Variants in FKBP1A observed in about 807,000 individuals in gnomAD.
The protein encoded by FKBP1A is FKBP prolyl isomerase 1A.
A neutral mutation model predicts 14.2 loss-of-function variants in FKBP1A; 5 were observed. That is an observed-to-expected ratio of 0.35 (90% CI 0.18 to 0.74). The LOEUF (loss-of-function observed/expected upper bound fraction) is 0.74. FKBP1A is among the 30% of genes least tolerant of loss of function. The pLI is 0.56. For missense variants in FKBP1A, 53 were observed against 138.8 expected (o/e 0.38, Z 3.10); for synonymous variants, 42 against 49.1 (o/e 0.86, Z 0.60).
In FKBP1A at chr20:1,370,066, G is replaced by A. The variant is rs1392287813; in HGVS notation, c.*43C>T. ...GTCTGGAGGCACCAGATCCCTCCATGGCAGATCTGTTGGGGACAGAAAATC... is the reference window on the plus strand; with the variant it reads ...GTCTGGAGGCACCAGATCCCTCCATAGCAGATCTGTTGGGGACAGAAAATC... On this transcript the variant is annotated 3_prime_UTR_variant, in exon 5 of 5. Transcript: ENST00000400137. 3.9e-6 allele frequency: 6 copies of A among 1,548,990 alleles called. No homozygotes were observed. The highest frequency in any genetic ancestry group is 1.4e-5 in the African/African-American group (1 of 73,154).
chr20:1,375,303 A>G, intron 3 of FKBP1A, 188 bp downstream of exon 3: 1 of 603,310 alleles, frequency 1.7e-6, no homozygotes, highest in South Asian at 2.1e-5. Context: ...ATGTTTTTAT[A>G]TGTGCTTAAA....
At chr20:1,377,114 A>G (rs879286305) in intron 2 of FKBP1A, 2 of 152,204 alleles carry the variant, frequency 1.3e-5, no homozygotes, top group Non-Finnish European at 2.9e-5. Context: ...TACTCAGAAG[A>G]TCCATAAAAA....
chr20:1,392,950 G>A lies in FKBP1A; in HGVS notation c.37+12C>T. On this transcript the variant is annotated intron_variant, in intron 1 of 4. Coordinates refer to ENST00000400137, the MANE Select transcript of FKBP1A (RefSeq NM_000801.5). ...GCAGAGGTACTCCGAGCCGCCGCGC[G>A]CCACTACTCACCGTCTCCTGGGGAG... 1 of 1,502,880 alleles carries A rather than the reference G, an allele frequency of 6.7e-7. No homozygotes were observed. Among genetic ancestry groups the A allele is most frequent in the Non-Finnish European group, 8.8e-7 (1 of 1,132,374 alleles). 93.1% of individuals were successfully genotyped at this position (1,502,880 alleles called of 1,614,324 possible).
intron 2 of FKBP1A, among the ~76,000 whole-genome samples, chr20:1,388,477 G>A (rs527361690): frequency 6.6e-6 from 1 of 152,316 alleles, no homozygotes; most frequent in South Asian, 2.1e-4. Flanking sequence ...CTTCACAGCA[G>A]GCATCGTTAC....
chr20:1,381,699 G>T (rs1465739890), intron 2 of FKBP1A, among the ~76,000 whole-genome samples: 1 of 152,170 alleles, frequency 6.6e-6, no homozygotes, highest in Non-Finnish European at 1.5e-5. Context: ...GGGTAAGTTG[G>T]TAAATACATG....
chr20:1,383,926 G>A (rs59521713), intron 2 of FKBP1A, among the ~76,000 whole-genome samples: 1 of 152,102 alleles, frequency 6.6e-6, no homozygotes, highest in East Asian at 1.9e-4. Flanking sequence ...AAGCCACTCA[G>A]AACATTCCCA....
At chr20:1,370,989 C>A in intron 4 of FKBP1A, 1 of 985,390 alleles carries the variant, frequency 1.0e-6, no homozygotes, top group Middle Eastern at 5.2e-4. Context: ...GTGTGTGGTT[C>A]AAACAGAGAG....
chr20:1,383,957 T>C (rs2089644688), intron 2 of FKBP1A, among the ~76,000 whole-genome samples: 2 of 152,090 alleles, frequency 1.3e-5, no homozygotes, highest in South Asian at 4.1e-4. Context: ...TGGCTCAAGG[T>C]CTAATGGTTT....
chr20:1,376,663 G>T (rs2122672441), intron 2 of FKBP1A: 1 of 152,076 alleles, frequency 6.6e-6, no homozygotes, highest in Non-Finnish European at 1.5e-5. Context: ...AAGAAACTGA[G>T]GCAGACAGGG....
At chr20:1,391,813 A>C in intron 2 of FKBP1A, 1 of 341,626 alleles carries the variant, frequency 2.9e-6, no homozygotes. Context: ...AAGGTTGAGA[A>C]AGGGGAAGGA....
intron 2 of FKBP1A, among the ~76,000 whole-genome samples, chr20:1,380,873 T>G (rs1413829666): frequency 6.6e-6 from 1 of 152,204 alleles, no homozygotes; most frequent in Non-Finnish European, 1.5e-5. Context: ...AAAACTACAA[T>G]GTCTGAGATG....
intron 2 of FKBP1A, among the ~76,000 whole-genome samples, chr20:1,385,315 G>A (rs915171068): frequency 6.6e-6 from 1 of 152,104 alleles, no homozygotes; most frequent in Non-Finnish European, 1.5e-5. Flanking sequence ...GCTTGAACCC[G>A]GGAGGCAGAG....
intron 4 of FKBP1A, chr20:1,371,725 A>G (rs2089467276): frequency 1.0e-6 from 1 of 1,004,710 alleles, no homozygotes; most frequent in Non-Finnish European, 1.2e-6. Context: ...GTCATTCATT[A>G]AGAGTCTTAT....
At chr20:1,372,390 G>C in intron 3 of FKBP1A, 150 bp from the exon 4 acceptor site, 1 of 745,932 alleles carries the variant, frequency 1.3e-6, no homozygotes, top group South Asian at 1.8e-5. Context: ...CCACCTCCTT[G>C]TGCAGGACTT....
chr20:1,378,139 G>GAAAAACAA (rs2089573142), intron 2 of FKBP1A: 1 of 152,128 alleles, frequency 6.6e-6, no homozygotes, highest in Non-Finnish European at 1.5e-5. Context: ...ACAAAGACTC[G>GAAAAACAA]GGAAGAAAGT....
At chr20:1,390,134 C>T (rs2089715710) in intron 2 of FKBP1A, among the ~76,000 whole-genome samples, 1 of 152,168 alleles carries the variant, frequency 6.6e-6, no homozygotes, top group Non-Finnish European at 1.5e-5. Context: ...GCTCTGCACA[C>T]CTGTGATGGC....
intron 4 of FKBP1A, chr20:1,370,749 C>A: frequency 1.0e-6 from 1 of 985,354 alleles, no homozygotes; most frequent in Non-Finnish European, 1.2e-6. Context: ...TCTACCTCAT[C>A]AAGTTTACAG....
At chr20:1,372,423 T>C (rs545489949) in intron 3 of FKBP1A, among the ~76,000 whole-genome samples, 183 bp from the exon 4 acceptor site, 5 of 152,302 alleles carry the variant, frequency 3.3e-5, no homozygotes, top group South Asian at 2.1e-4. Flanking sequence ...TCATATTCCA[T>C]CACCCCTGCA....
In FKBP1A at chr20:1,386,529, T is replaced by G. The variant is rs916731091; in HGVS notation, c.85+6305A>C. Among the ~76,000 whole-genome samples the G allele has an allele frequency of 6.6e-6, 1 of 152,120 alleles. No individual in the cohort carries two copies. Among genetic ancestry groups the G allele is most frequent in the Admixed American group, 6.5e-5 (1 of 15,278 alleles). On this transcript the variant is annotated intron_variant, in intron 2 of 4. Transcript: ENST00000400137. This position sits in a 1 kb window ranked among gnomAD's most constrained non-coding sequence, Gnocchi z 4.7. Reference sequence around the variant, plus strand: ...TGTTTAACTACACGGATCCTGACTATGATGGGGGCTAAGAAAATAGATGGG... The same window carrying G: ...TGTTTAACTACACGGATCCTGACTAGGATGGGGGCTAAGAAAATAGATGGG...
Sources: gnomAD v4.1 joint callset for allele counts (sites outside exome capture counted in the v4.1 genomes callset) on GRCh38, gnomAD v4.1.1 for gene constraint, Gnocchi (gnomAD v3.1) non-coding constraint, MANE v1.5 for transcripts, NCBI Gene and HGNC (gene_info 2026-07-23, HGNC 2026-07-21) for gene names.